MAD1L1: variants seen among roughly 807,000 people sequenced by gnomAD.
MAD1L1 encodes mitotic arrest deficient 1 like 1, also known as mitotic spindle assembly checkpoint protein MAD1.
Under a neutral mutation model 96.9 loss-of-function variants are expected in MAD1L1, and 95 were observed. The ratio of observed to expected loss-of-function variants is 0.98; its 90% CI spans 0.83 to 1.16. MAD1L1 has a LOEUF of 1.16. Among genes scored for constraint, MAD1L1 ranks in the 50% most tolerant of loss-of-function variants. MAD1L1 has a pLI of 0.00. For synonymous variants in MAD1L1, 473 were observed against 396.6 expected, an observed-to-expected ratio of 1.19 and a Z score of -2.29; for missense variants, 1,007 against 954.4, an observed-to-expected ratio of 1.06 and a Z score of -0.73.
intron 17 of MAD1L1, among the ~76,000 whole-genome samples, chr7:1,934,348 A>G (rs899789865): frequency 1.6e-4 from 24 of 152,254 alleles, no homozygotes; most frequent in South Asian, 2.1e-4. Context: ...AGACGCGCAG[A>G]GACCCAGACA....
chr7:1,998,142 C>T (rs1781640864), intron 14 of MAD1L1, among the ~76,000 whole-genome samples: 3 of 152,228 alleles, frequency 2.0e-5, no homozygotes, highest in Non-Finnish European at 4.4e-5. Flanking sequence ...CCAAGCGCAC[C>T]TCACAGCCCC....
At position 1,907,038 on chromosome 7, in the gene MAD1L1, C is replaced by G. The variant is rs1037934359; in HGVS notation, c.1808-8648G>C. ...CACTGCCCCGCCCCCAAGCCCCCAA[C>G]CCCATCCCTGCTGTGGCTAACAGGG... On this transcript the variant is annotated intron_variant, in intron 17 of 18. Transcript: ENST00000265854. 2.6e-5 allele frequency among the ~76,000 whole-genome samples: 4 copies of G among 152,086 alleles called. No individual in the cohort carries two copies. The South Asian group carries it at 8.3e-4, about 32-fold the overall frequency.
At chr7:1,980,638 C>T (rs1156763343) in intron 14 of MAD1L1, 97 bp from the exon 15 acceptor site, 2 of 951,308 alleles carry the variant, frequency 2.1e-6, no homozygotes, top group Admixed American at 2.0e-5. Flanking sequence ...CCTGGCAGCA[C>T]CCCCGCCCTG....
chr7:2,131,054 C>T (rs542005572), intron 11 of MAD1L1, among the ~76,000 whole-genome samples: 4 of 152,276 alleles, frequency 2.6e-5, no homozygotes, highest in African/African-American at 4.8e-5. Flanking sequence ...CCTGGAAGAA[C>T]CTTGCACTTG....
intron 10 of MAD1L1, among the ~76,000 whole-genome samples, chr7:2,183,994 T>C (rs989840550): frequency 6.6e-6 from 1 of 152,100 alleles, no homozygotes; most frequent in African/African-American, 2.4e-5. Flanking sequence ...CTCACGCCTG[T>C]AATCCTGGCA....
At chr7:2,062,293 G>A (rs560254830) in intron 12 of MAD1L1, among the ~76,000 whole-genome samples, 12 of 144,278 alleles carry the variant, frequency 8.3e-5, no homozygotes, top group African/African-American at 7.7e-5. Context: ...ATTGAAGGCC[G>A]GACACAGTGG....
intron 18 of MAD1L1, among the ~76,000 whole-genome samples, chr7:1,837,504 T>C (rs558021421): frequency 6.6e-6 from 1 of 152,364 alleles, no homozygotes; most frequent in Admixed American, 6.5e-5. Flanking sequence ...GAATGTTCAC[T>C]GTACACTTTA....
At chr7:2,049,304 AG>A (rs778150681) in intron 12 of MAD1L1, among the ~76,000 whole-genome samples, 2 of 152,150 alleles carry the variant, frequency 1.3e-5, no homozygotes, top group African/African-American at 4.8e-5. Context: ...GAATTCCAGC[AG>A]GGCTGGCCTC....
chr7:2,198,171 G>A (rs1335564803), intron 10 of MAD1L1, among the ~76,000 whole-genome samples: 2 of 151,870 alleles, frequency 1.3e-5, no homozygotes, highest in East Asian at 3.9e-4. Context: ...GCCCAGGCTG[G>A]TCTTGAACTC....
At position 2,014,484 on chromosome 7, in the gene MAD1L1, A is replaced by C. The variant is rs758057284; in HGVS notation, c.1359+18T>G. The C allele has an allele frequency of 6.5e-7, 1 of 1,545,990 alleles. No individual in the cohort carries two copies. The highest frequency in any genetic ancestry group is 8.7e-7 in the Non-Finnish European group (1 of 1,146,650). On this transcript the variant is annotated intron_variant, in intron 13 of 18. Coordinates refer to ENST00000265854, the MANE Select transcript of MAD1L1 (RefSeq NM_001013836.2). ...AGCCCCACCTGGCGACGTGAGCCCC[A>C]CGCCCGCGGCCCCTCACCTCCATCT...
intron 12 of MAD1L1, among the ~76,000 whole-genome samples, chr7:2,058,910 C>A (rs879187551): frequency 8.9e-5 from 4 of 45,072 alleles, no homozygotes; most frequent in South Asian, 1.1e-3. Flanking sequence ...AGGGGAGAGG[C>A]GCAGGGCTGG....
chr7:2,162,203 A>T (rs1790184015), intron 10 of MAD1L1, among the ~76,000 whole-genome samples: 1 of 152,252 alleles, frequency 6.6e-6, no homozygotes, highest in Non-Finnish European at 1.5e-5. Context: ...GTCTGTGTAG[A>T]AAGAAGTAGA....
intron 10 of MAD1L1, among the ~76,000 whole-genome samples, chr7:2,174,929 G>T (rs778625251): frequency 6.6e-6 from 1 of 152,062 alleles, no homozygotes; most frequent in Non-Finnish European, 1.5e-5. Context: ...CGACTGTGAC[G>T]GCCACCTGTA....
At position 2,225,550 on chromosome 7, in the gene MAD1L1, G is replaced by A. The variant is rs1793847294; in HGVS notation, c.151C>T (p.Leu51=). 1 of 1,613,266 alleles carries A rather than the reference G, an allele frequency of 6.2e-7. No homozygotes were observed. Among genetic ancestry groups the A allele is most frequent in the Non-Finnish European group, 8.5e-7 (1 of 1,180,000 alleles). The change falls in exon 4 of 19, where the codon CTG becomes TTG. Residue 51 remains leucine (L), a splice_region_variant and synonymous_variant. Coordinates refer to ENST00000265854, the MANE Select transcript of MAD1L1 (RefSeq NM_001013836.2). ...CGGATCTGCTCTGCTCTTTCCTCCA[G>A]CTGAGCAGGTCGCACCCAAAGAAAA... ...LQMQYQQSMQ[L]EERAEQIRSK...
In MAD1L1 at chr7:1,815,930, T is replaced by C. The variant is rs1781770290; in HGVS notation, c.*140A>G. On this transcript the variant is annotated 3_prime_UTR_variant, in exon 19 of 19. Transcript: ENST00000265854. ...GCCCCAGCAGGAAGCCCGACGTAGG[T>C]CCCAGCGTGTCTGTCAGTCATGCTG... 2 of 1,019,384 alleles carry C rather than the reference T, an allele frequency of 2.0e-6. No homozygotes were observed. Among genetic ancestry groups the C allele is most frequent in the South Asian group, 3.4e-5 (2 of 58,846 alleles). The allele number at this position is 1,019,384 out of a possible 1,614,324, so 63.1% of individuals were successfully genotyped here. A position where few individuals can be genotyped will look rare whatever the true frequency, so the allele number is the denominator to read the frequency against.
At chr7:2,209,905 C>G (rs1396728122) in intron 10 of MAD1L1, 1 of 152,334 alleles carries the variant, frequency 6.6e-6, no homozygotes, top group Non-Finnish European at 1.5e-5. Flanking sequence ...AGCAAATGCA[C>G]TCAGCCCTCC....
chr7:2,197,676 A>G (rs1792065563), intron 10 of MAD1L1, among the ~76,000 whole-genome samples: 1 of 152,170 alleles, frequency 6.6e-6, no homozygotes, highest in South Asian at 2.1e-4. Context: ...GACTCGGGCC[A>G]GCTGTCTGCT....
intron 18 of MAD1L1, among the ~76,000 whole-genome samples, chr7:1,868,033 G>T (rs754927072): frequency 1.3e-5 from 2 of 152,120 alleles, no homozygotes; most frequent in Non-Finnish European, 2.9e-5. Flanking sequence ...ATGGCGCTGA[G>T]CAGACGCCAG....
At chr7:2,083,895 C>T (rs1181076637) in intron 11 of MAD1L1, among the ~76,000 whole-genome samples, 1 of 152,210 alleles carries the variant, frequency 6.6e-6, no homozygotes, top group African/African-American at 2.4e-5. Context: ...CAGGATGCTC[C>T]CAGTGATTCC....
Sources: gnomAD v4.1 joint callset for allele counts (sites outside exome capture counted in the v4.1 genomes callset) on GRCh38, gnomAD v4.1.1 for gene constraint, MANE v1.5 for transcripts, NCBI Gene and HGNC (gene_info 2026-07-23, HGNC 2026-07-21) for gene names.